BAZ2B: variants seen among roughly 807,000 people sequenced by gnomAD.
BAZ2B encodes bromodomain adjacent to zinc finger domain 2B.
Under a neutral mutation model 246.0 loss-of-function variants are expected in BAZ2B, and 91 were observed. The observed-to-expected ratio is 0.37, with a 90% confidence interval of 0.31 to 0.44. The LOEUF (loss-of-function observed/expected upper bound fraction) is 0.44. Ranked by LOEUF, BAZ2B falls within the 20% of genes least tolerant of loss-of-function variation. The probability of loss-of-function intolerance (pLI) is 1.00; values close to 1 mark genes in which losing one functional copy is unlikely to be tolerated. For synonymous variants in BAZ2B, 855 were observed against 860.0 expected (o/e 0.99, Z 0.10); for missense variants, 2,332 against 2,533.7 (o/e 0.92, Z 1.71).
chr2:159,491,474 A>G (rs992992191), intron 2 of BAZ2B, among the ~76,000 whole-genome samples: 4 of 151,742 alleles, frequency 2.6e-5, no homozygotes, highest in Non-Finnish European at 2.9e-5. Flanking sequence ...TAATCCCAGC[A>G]CTTTGGGAGG....
At chr2:159,544,275 G>T (rs1278750896) in intron 2 of BAZ2B, among the ~76,000 whole-genome samples, 4 of 152,134 alleles carry the variant, frequency 2.6e-5, no homozygotes, top group Non-Finnish European at 5.9e-5. Context: ...TTAGAGTTAA[G>T]AGGATTAATT....
intron 2 of BAZ2B, among the ~76,000 whole-genome samples, chr2:159,480,589 C>A (rs1461097409): frequency 2.0e-5 from 3 of 152,170 alleles, no homozygotes; most frequent in Non-Finnish European, 4.4e-5. Context: ...CGTGCACACA[C>A]ACACACACAC....
the BAZ2B span, among the ~76,000 whole-genome samples, chr2:159,648,769 C>T: frequency 1.3e-5 from 2 of 152,140 alleles, no homozygotes; most frequent in Non-Finnish European, 2.9e-5. Context: ...AATCATGTTG[C>T]TATGAACGTT....
intron 3 of BAZ2B, among the ~76,000 whole-genome samples, chr2:159,477,714 T>C (rs1319831765): frequency 6.6e-6 from 1 of 152,236 alleles, no homozygotes; most frequent in Non-Finnish European, 1.5e-5. Context: ...ACTTTAGGTA[T>C]TTAATAAAAG....
At chr2:159,711,799 C>T in the BAZ2B span, 1 of 152,216 alleles carries the variant, frequency 6.6e-6, no homozygotes, top group Non-Finnish European at 1.5e-5. Flanking sequence ...ATTCACCTCA[C>T]AATTTTCCTC....
At chr2:159,626,001 C>CAA in the BAZ2B span, among the ~76,000 whole-genome samples, 15,659 of 139,258 alleles carry the variant, frequency 0.11, 1,082 homozygotes, top group African/African-American at 0.19. Context: ...AAATGGAAAG[C>CAA]AAAAAAAAAA....
At position 159,433,263 on chromosome 2, in the gene BAZ2B, G is replaced by A. The variant is rs773518392; in HGVS notation, c.1394C>T (p.Ser465Phe). ...IAALSNPKAT[S>F]SSPAHPKQTL... ...TTGTTTTGGATGTGCTGGTGAACTA[G>A]AGGTTGCTTTTGGATTTGACAAAGC... is the stretch of plus-strand genomic sequence containing the variant. Residue 465 changes from serine (S) to phenylalanine (F), a missense_variant, in exon 9 of 37, where the codon TCT (serine) becomes TTT (phenylalanine). Around this residue, in one of 9 missense-constraint regions of BAZ2B, gnomAD observed 651 missense variants for 650.9 expected, o/e 1.00. Transcript: ENST00000392783. 9 of 1,614,158 alleles carry A rather than the reference G, an allele frequency of 5.6e-6. No homozygotes were observed. In the South Asian group the frequency reaches 6.6e-5, roughly 12 times the overall value.
intron 34 of BAZ2B, 95 bp downstream of exon 34, chr2:159,332,445 C>T: frequency 8.0e-7 from 1 of 1,248,998 alleles, no homozygotes; most frequent in South Asian, 1.6e-5. Context: ...TATGATCATA[C>T]CACTGCACTC....
the BAZ2B span, among the ~76,000 whole-genome samples, chr2:159,707,495 A>G: frequency 5.9e-5 from 9 of 152,208 alleles, no homozygotes; most frequent in African/African-American, 2.2e-4. Flanking sequence ...GTTTGAGAGC[A>G]GCCTGGCCAA....
chr2:159,466,723 A>G (rs1162467312), intron 3 of BAZ2B, among the ~76,000 whole-genome samples: 1 of 151,662 alleles, frequency 6.6e-6, no homozygotes, highest in Non-Finnish European at 1.5e-5. Context: ...TAATTCTGAG[A>G]ACCGAAGGGC....
chr2:159,675,204 C>A, the BAZ2B span, among the ~76,000 whole-genome samples: 1 of 151,846 alleles, frequency 6.6e-6, no homozygotes, highest in Non-Finnish European at 1.5e-5. Flanking sequence ...GAATTTGAGA[C>A]TGTCTCTATT....
chr2:159,471,077 G>A (rs1228485566), intron 3 of BAZ2B, among the ~76,000 whole-genome samples: 1 of 152,076 alleles, frequency 6.6e-6, no homozygotes, highest in Non-Finnish European at 1.5e-5. Flanking sequence ...GAAAAACTAT[G>A]AGTAGTATAA....
At chr2:159,656,185 A>G in the BAZ2B span, among the ~76,000 whole-genome samples, 1 of 152,276 alleles carries the variant, frequency 6.6e-6, no homozygotes, top group Non-Finnish European at 1.5e-5. Flanking sequence ...TTTAAAAATT[A>G]ATATACTTTT....
the BAZ2B span, among the ~76,000 whole-genome samples, chr2:159,644,847 C>T: frequency 6.6e-6 from 1 of 152,176 alleles, no homozygotes; most frequent in African/African-American, 2.4e-5. Flanking sequence ...GCAGTATGGA[C>T]AGGCTAAGAA....
At chr2:159,521,396 CAGATGTGT>C (rs1184061522) in intron 2 of BAZ2B, among the ~76,000 whole-genome samples, 12 of 151,928 alleles carry the variant, frequency 7.9e-5, no homozygotes, top group Non-Finnish European at 1.3e-4. Flanking sequence ...AAGACAGATA[CAGATGTGT>C]ATATTTTCAT....
chr2:159,374,337 T>C (rs897548826), intron 26 of BAZ2B, among the ~76,000 whole-genome samples: 7 of 152,196 alleles, frequency 4.6e-5, no homozygotes, highest in Non-Finnish European at 7.3e-5. Flanking sequence ...TCAACTGAAT[T>C]TTTTAGTAAT....
intron 3 of BAZ2B, among the ~76,000 whole-genome samples, chr2:159,456,311 A>C (rs1421972943): frequency 6.6e-6 from 1 of 152,078 alleles, no homozygotes; most frequent in African/African-American, 2.4e-5. Context: ...AATAATAAGT[A>C]ATACATAATT....
intron 14 of BAZ2B, among the ~76,000 whole-genome samples, chr2:159,409,318 T>C (rs896938556): frequency 3.9e-5 from 6 of 152,196 alleles, no homozygotes; most frequent in African/African-American, 1.4e-4. Flanking sequence ...ATGGTATAGA[T>C]TACTTATAGG....
intron 1 of BAZ2B, among the ~76,000 whole-genome samples, chr2:159,572,319 A>T (rs1462437500): frequency 6.6e-6 from 1 of 152,216 alleles, no homozygotes; most frequent in East Asian, 1.9e-4. Context: ...ACCTCTGATT[A>T]GTTTCAGCCT....
Sources: gnomAD v4.1 joint callset for allele counts (sites outside exome capture counted in the v4.1 genomes callset) on GRCh38, gnomAD v4.1.1 for gene constraint, gnomAD v4.1.1 regional missense constraint, MANE v1.5 for transcripts, NCBI Gene and HGNC (gene_info 2026-07-23, HGNC 2026-07-21) for gene names.